Variants in SLC9A9 observed in about 807,000 individuals in gnomAD.
SLC9A9 encodes solute carrier family 9 member A9, also known as sodium/hydrogen exchanger 9.
A neutral mutation model predicts 77.8 loss-of-function variants in SLC9A9; 62 were observed. The observed-to-expected ratio is 0.80, with a 90% confidence interval of 0.65 to 0.98. The LOEUF is 0.98. Among genes scored for constraint, SLC9A9 ranks in the 50% least tolerant of loss-of-function variants. The pLI, the probability that SLC9A9 is intolerant of heterozygous loss-of-function variation, is 0.00. For missense variants in SLC9A9, 775 were observed against 774.9 expected, an observed-to-expected ratio of 1.00 and a Z score of 0.00; for synonymous variants, 320 against 283.5, an observed-to-expected ratio of 1.13 and a Z score of -1.29.
At chr3:143,529,205 A>G (rs1483660757) in intron 9 of SLC9A9, among the ~76,000 whole-genome samples, 2 of 152,200 alleles carry the variant, frequency 1.3e-5, no homozygotes, top group Admixed American at 6.5e-5. Flanking sequence ...TCTGGGAGGA[A>G]GTCAACATCT....
intron 1 of SLC9A9, 178 bp downstream of exon 1, chr3:143,847,970 T>C (rs2009864146): frequency 1.5e-6 from 1 of 666,018 alleles, no homozygotes; most frequent in Non-Finnish European, 2.6e-6. Flanking sequence ...ACATGGCAAA[T>C]TTCGGCGGCT....
intron 14 of SLC9A9, among the ~76,000 whole-genome samples, chr3:143,330,631 T>G (rs1247376134): frequency 2.6e-5 from 4 of 152,244 alleles, no homozygotes; most frequent in Admixed American, 6.5e-5. Flanking sequence ...GTCCTCCTTC[T>G]GTTCCTAACA....
In SLC9A9 at chr3:143,795,013, C is replaced by A. The variant is rs1333277971; in HGVS notation, c.521G>T (p.Cys174Phe). The A allele has an allele frequency of 6.2e-7, 1 of 1,613,870 alleles. No individual in the cohort carries two copies. Among genetic ancestry groups the A allele is most frequent in the Middle Eastern group, 1.6e-4 (1 of 6,062 alleles). Reference sequence around the variant, plus strand: ...GAATGTCACTTACCCTATGACGATGCAGGAGATGGCAGTTCCCAAGAAGGC... The same window carrying A: ...GAATGTCACTTACCCTATGACGATGAAGGAGATGGCAGTTCCCAAGAAGGC... ...TYAFLGTAIS[C>F]IVIGLIMYGF... The change falls in exon 4 of 16, where the codon TGC becomes TTC. Residue 174 changes from cysteine to phenylalanine, a missense_variant. Physicochemically the swap from Cys to Phe is radical, Grantham distance 205. Coordinates refer to ENST00000316549, the MANE Select transcript of SLC9A9 (RefSeq NM_173653.4).
At chr3:143,619,834 A>G (rs1456054806) in intron 6 of SLC9A9, among the ~76,000 whole-genome samples, 6 of 152,184 alleles carry the variant, frequency 3.9e-5, no homozygotes, top group Non-Finnish European at 2.9e-5. Context: ...AATAAATACC[A>G]TTTTCATCAT....
At chr3:143,672,960 C>A (rs2039182925) in intron 5 of SLC9A9, among the ~76,000 whole-genome samples, 1 of 152,112 alleles carries the variant, frequency 6.6e-6, no homozygotes. Context: ...ACCATAGTAA[C>A]CCCAAATAGA....
intron 2 of SLC9A9, among the ~76,000 whole-genome samples, chr3:143,830,981 T>G (rs114957085): frequency 0.023 from 3,434 of 152,182 alleles, 138 homozygotes; most frequent in African/African-American, 0.079. Flanking sequence ...CCTTACCAAG[T>G]GCTAGGAGGA....
chr3:143,412,271 C>T (rs1379178782), intron 12 of SLC9A9, among the ~76,000 whole-genome samples: 1 of 152,062 alleles, frequency 6.6e-6, no homozygotes, highest in African/African-American at 2.4e-5. Context: ...TCTAACCTCA[C>T]TTTTGTTGGC....
chr3:143,769,831 T>C (rs929285646), intron 4 of SLC9A9, among the ~76,000 whole-genome samples: 1 of 152,192 alleles, frequency 6.6e-6, no homozygotes, highest in Non-Finnish European at 1.5e-5. Flanking sequence ...GATGTTTACA[T>C]GCAGAATACA....
intron 5 of SLC9A9, among the ~76,000 whole-genome samples, chr3:143,664,051 A>G (rs1640791098): frequency 6.6e-6 from 1 of 152,272 alleles, no homozygotes; most frequent in Non-Finnish European, 1.5e-5. Flanking sequence ...GGTTGAAATG[A>G]AGGAAAAAAT....
chr3:143,392,905 C>A (rs577833118), intron 12 of SLC9A9, among the ~76,000 whole-genome samples: 1 of 151,964 alleles, frequency 6.6e-6, no homozygotes, highest in Non-Finnish European at 1.5e-5. Context: ...GCTAACTATC[C>A]TAAATATGCA....
At chr3:143,581,441 T>C (rs1431965221) in intron 6 of SLC9A9, among the ~76,000 whole-genome samples, 1 of 152,126 alleles carries the variant, frequency 6.6e-6, no homozygotes, top group African/African-American at 2.4e-5. Context: ...AAGCAAGGCA[T>C]GTTTTGTTCT....
chr3:143,514,092 G>A (rs1419693810), intron 9 of SLC9A9, among the ~76,000 whole-genome samples: 4 of 152,086 alleles, frequency 2.6e-5, no homozygotes, highest in African/African-American at 7.2e-5. Flanking sequence ...GAGAACATGC[G>A]GCGTTTGGTT....
At chr3:143,798,214 T>G (rs2008444147) in intron 2 of SLC9A9, among the ~76,000 whole-genome samples, 1 of 152,138 alleles carries the variant, frequency 6.6e-6, no homozygotes, top group African/African-American at 2.4e-5. Flanking sequence ...CCTTTTCTGG[T>G]AGAGACAAAG....
intron 10 of SLC9A9, among the ~76,000 whole-genome samples, chr3:143,494,025 A>G (rs1006516773): frequency 2.6e-5 from 4 of 152,134 alleles, no homozygotes; most frequent in Admixed American, 1.3e-4. Flanking sequence ...ATCACTGTAA[A>G]TTTTCTAATC....
chr3:143,465,164 C>G (rs2035262753), intron 12 of SLC9A9, among the ~76,000 whole-genome samples: 1 of 152,236 alleles, frequency 6.6e-6, no homozygotes, highest in South Asian at 2.1e-4. Flanking sequence ...CTGGCTGCCC[C>G]ATGCTGTGCC....
At chr3:143,267,585 G>A (rs549393531) in intron 15 of SLC9A9, among the ~76,000 whole-genome samples, 1 of 152,148 alleles carries the variant, frequency 6.6e-6, no homozygotes, top group African/African-American at 2.4e-5. Flanking sequence ...ACTCCTGACT[G>A]CAAGTGATCC....
intron 4 of SLC9A9, among the ~76,000 whole-genome samples, chr3:143,712,867 G>T (rs145860623): frequency 5.1e-4 from 77 of 152,304 alleles, no homozygotes; most frequent in African/African-American, 1.8e-3. Context: ...CCAAGACCTT[G>T]TTGGGAAGAG....
chr3:143,706,806 T>C (rs935641375), intron 4 of SLC9A9, among the ~76,000 whole-genome samples: 1 of 152,204 alleles, frequency 6.6e-6, no homozygotes, highest in Non-Finnish European at 1.5e-5. Context: ...CATTATAAGA[T>C]TTTTCTTAGA....
At chr3:143,643,837 T>A (rs2038660359) in intron 6 of SLC9A9, among the ~76,000 whole-genome samples, 1 of 152,124 alleles carries the variant, frequency 6.6e-6, no homozygotes, top group African/African-American at 2.4e-5. Flanking sequence ...GTGACTCAGA[T>A]CTGACCAGTG....
Sources: gnomAD v4.1 joint callset for allele counts (sites outside exome capture counted in the v4.1 genomes callset) on GRCh38, gnomAD v4.1.1 for gene constraint, MANE v1.5 for transcripts, NCBI Gene and HGNC (gene_info 2026-07-23, HGNC 2026-07-21) for gene names.